The following SRCAP variants were observed in gnomAD, a reference collection of about 807,000 sequenced individuals.
SRCAP encodes the protein chromatin remodeling protein SRCAP.
SRCAP carries 46 observed loss-of-function variants against 263.1 expected under a neutral mutation model. The ratio of observed to expected loss-of-function variants is 0.17; its 90% confidence interval spans 0.14 to 0.22. The LOEUF is 0.22. Among genes scored for constraint, SRCAP ranks in the 10% least tolerant of loss-of-function variants. SRCAP has a pLI of 1.00. For synonymous variants in SRCAP, 1,813 were observed against 1,662.1 expected, an observed-to-expected ratio of 1.09 and a Z score of -2.21; for missense variants, 3,695 against 4,181.9, an observed-to-expected ratio of 0.88 and a Z score of 3.21.
intron 31 of SRCAP, among the ~76,000 whole-genome samples, chr16:30,734,999 A>G (rs1183821767): frequency 1.3e-5 from 2 of 152,174 alleles, no homozygotes; most frequent in African/African-American, 2.4e-5. Flanking sequence ...GAAAACACAC[A>G]AATGCTCAGA....
intron 30 of SRCAP, chr16:30,734,220 G>A (rs1331666851): frequency 9.6e-6 from 6 of 623,454 alleles, no homozygotes; most frequent in South Asian, 2.1e-5. Context: ...GTGGGCGCCT[G>A]TAATCCCAGC....
chr16:30,699,921 C>T lies in SRCAP; in HGVS notation c.-270C>T, dbSNP rs557240510. Reference sequence around the variant, plus strand: ...TGGATGTTTCAGGTGTGATTCCCTTCAGTACGGCGGCACCGTGGAAGTGCA... The same window carrying T: ...TGGATGTTTCAGGTGTGATTCCCTTTAGTACGGCGGCACCGTGGAAGTGCA... On this transcript the variant is annotated 5_prime_UTR_variant, in exon 2 of 34. Coordinates refer to ENST00000262518, the MANE Select transcript of SRCAP (RefSeq NM_006662.3). 2.0e-5 allele frequency: 3 copies of T among 152,328 alleles called. No individual in the cohort carries two copies. The highest frequency in any genetic ancestry group is 4.4e-5 in the Non-Finnish European group (3 of 68,042). 9.4% of individuals were successfully genotyped at this position (152,328 alleles called of 1,614,324 possible).
intron 16 of SRCAP, among the ~76,000 whole-genome samples, chr16:30,715,772 C>T (rs1199351339): frequency 1.3e-5 from 2 of 152,156 alleles, no homozygotes; most frequent in African/African-American, 2.4e-5. Context: ...GATTTATTTG[C>T]ATCATCTTGT....
At chr16:30,712,870 G>A (rs1209920739) in intron 14 of SRCAP, 55 bp downstream of exon 14, 5 of 1,591,222 alleles carry the variant, frequency 3.1e-6, no homozygotes, top group East Asian at 2.2e-5. Flanking sequence ...TTATTTTTAA[G>A]CCCTTTCCTC....
intron 30 of SRCAP, 177 bp from the exon 31 acceptor site, chr16:30,734,319 G>T (rs573582905): frequency 2.2e-6 from 2 of 904,396 alleles, no homozygotes; most frequent in Non-Finnish European, 3.3e-6. Flanking sequence ...CTTTAGCCTG[G>T]GTGACGAGCA....
At chr16:30,711,488 C>G (rs990019733) in intron 10 of SRCAP, 83 bp from the exon 11 acceptor site, 107 of 1,397,004 alleles carry the variant, frequency 7.7e-5, no homozygotes, top group Non-Finnish European at 9.5e-5. Flanking sequence ...CTACAGAGAC[C>G]TAGGTAAAAT....
chr16:30,712,222 C>T (rs2151288637), intron 12 of SRCAP, 40 bp from the exon 13 acceptor site: 2 of 1,596,712 alleles, frequency 1.3e-6, no homozygotes, highest in East Asian at 4.5e-5. Flanking sequence ...ACAACAAATG[C>T]CTCATTTCCA....
At chr16:30,701,231 T>G (rs1203812183) in intron 3 of SRCAP, 4 of 182,506 alleles carry the variant, frequency 2.2e-5, no homozygotes, top group African/African-American at 4.7e-5. Flanking sequence ...TGTTCATTCC[T>G]TTCTCATACC....
chr16:30,704,004 T>C (rs2052797804), intron 3 of SRCAP, 60 bp from the exon 4 acceptor site: 1 of 1,532,418 alleles, frequency 6.5e-7, no homozygotes, highest in East Asian at 2.3e-5. Flanking sequence ...AAATAATGTA[T>C]CTAAAACACT....
At chr16:30,709,248 A>G (rs1019342376) in intron 6 of SRCAP, among the ~76,000 whole-genome samples, 3 of 151,882 alleles carry the variant, frequency 2.0e-5, no homozygotes, top group Non-Finnish European at 2.9e-5. Context: ...TGGCCAACAT[A>G]GTGAGATCTC....
Position 30,720,257 on chromosome 16 carries a change from C to T in SRCAP, c.2913C>T (p.Arg971=), listed in dbSNP as rs1405158608. The T allele has an allele frequency of 2.5e-6, 4 of 1,614,108 alleles. No homozygotes were observed. Among genetic ancestry groups the T allele is most frequent in the Admixed American group, 1.7e-5 (1 of 60,006 alleles). ...TTCTGCCCCGGCACCGCCTCTCTCG[C>T]CGGGTACTGTTAGAAGTGGCTACTG... ...DTFLPRHRLS[R]RVLLEVATAP... Residue 971 remains arginine, a synonymous_variant, in exon 19 of 34, where the codon CGC becomes CGT. Transcript: ENST00000262518.
At chr16:30,700,264 C>T (rs958773061) in intron 2 of SRCAP, among the ~76,000 whole-genome samples, 12 of 152,182 alleles carry the variant, frequency 7.9e-5, no homozygotes, top group Non-Finnish European at 1.6e-4. Context: ...TACTGTGTAA[C>T]CTTCCGCAAA....
In SRCAP at chr16:30,739,119, C is replaced by T. The variant is rs1053275790; in HGVS notation, c.9079C>T (p.Arg3027Cys). 15 of 1,614,072 alleles carry T rather than the reference C, an allele frequency of 9.3e-6. No homozygotes were observed. The highest frequency in any genetic ancestry group is 2.2e-5 in the East Asian group (1 of 44,888). Reference sequence around the variant, plus strand: ...GCCCAGCCAGCTCCCCGTCTTGGACCGTGACAGCACTTCTGTTCTCGAGAG... The same window carrying T: ...GCCCAGCCAGCTCCCCGTCTTGGACTGTGACAGCACTTCTGTTCTCGAGAG... ...PRPSQLPVLD[R>C]DSTSVLESCG... The change falls in exon 34 of 34, where the codon CGT becomes TGT. Residue 3027 changes from arginine (R) to cysteine (C), a missense_variant. Physicochemically the swap from Arg to Cys is radical, Grantham distance 180. Around this residue, in one of 12 missense-constraint regions of SRCAP, gnomAD observed 1,207 missense variants for 1,142.9 expected, o/e 1.06. Transcript: ENST00000262518.
intron 14 of SRCAP, 108 bp from the exon 15 acceptor site, chr16:30,713,100 C>T (rs1194381192): frequency 1.6e-6 from 2 of 1,271,796 alleles, no homozygotes; most frequent in South Asian, 1.4e-5. Flanking sequence ...CTGGGACTTT[C>T]TCTTTTCTTC....
At position 30,725,295 on chromosome 16, in the gene SRCAP, A is replaced by G. The variant is rs931743195; in HGVS notation, c.5658+213A>G. ...CTCAGCCTCCTGAAGTGTTAGGATTACAGGGGTGAGCCACCACGCCCGGCC... is the reference window on the plus strand; with the variant it reads ...CTCAGCCTCCTGAAGTGTTAGGATTGCAGGGGTGAGCCACCACGCCCGGCC... On this transcript the variant is annotated intron_variant, in intron 25 of 33. Transcript: ENST00000262518. 3.8e-6 allele frequency: 4 copies of G among 1,046,880 alleles called. No homozygotes were observed. In the African/African-American group the frequency reaches 4.9e-5, roughly 13 times the overall value. The allele number at this position is 1,046,880 out of a possible 1,614,324, so 64.8% of individuals were successfully genotyped here.
chr16:30,715,357 A>C (rs1289454151), intron 16 of SRCAP, among the ~76,000 whole-genome samples: 4 of 151,490 alleles, frequency 2.6e-5, no homozygotes, highest in African/African-American at 9.7e-5. Context: ...CGAGGTCAGG[A>C]CATCAACACC....
In SRCAP at chr16:30,736,641, G is replaced by T; in HGVS notation, c.7008+17G>T. 1 of 1,613,386 alleles carries T rather than the reference G, an allele frequency of 6.2e-7. No homozygotes were observed. On this transcript the variant is annotated intron_variant, in intron 33 of 33. Coordinates refer to ENST00000262518, the MANE Select transcript of SRCAP (RefSeq NM_006662.3). Reference sequence around the variant, plus strand: ...CAGGCAGAAGTGAGTATTTCCAGGGGTGGGGCTGGCAGTTGGAAGCTGCTA... The same window carrying T: ...CAGGCAGAAGTGAGTATTTCCAGGGTTGGGGCTGGCAGTTGGAAGCTGCTA...
At chr16:30,729,281 G>A in intron 26 of SRCAP, 50 bp downstream of exon 26, 1 of 1,597,750 alleles carries the variant, frequency 6.3e-7, no homozygotes, top group Non-Finnish European at 8.5e-7. Flanking sequence ...GCCTCAGAGT[G>A]GATGTAGTGC....
intron 19 of SRCAP, 106 bp downstream of exon 19, chr16:30,720,437 T>A: frequency 7.4e-7 from 1 of 1,343,026 alleles, no homozygotes; most frequent in Non-Finnish European, 1.0e-6. Context: ...GGCTGGAATA[T>A]TTATATGGGA....
Sources: gnomAD v4.1 joint callset for allele counts (sites outside exome capture counted in the v4.1 genomes callset) on GRCh38, gnomAD v4.1.1 for gene constraint, gnomAD v4.1.1 regional missense constraint, MANE v1.5 for transcripts, NCBI Gene and HGNC (gene_info 2026-07-23, HGNC 2026-07-21) for gene names.